Variants in TEX10 observed in about 807,000 individuals in gnomAD.
TEX10 encodes testis-expressed protein 10.
A neutral mutation model predicts 104.4 loss-of-function variants in TEX10; 24 were observed. The ratio of observed to expected loss-of-function variants is 0.23; its 90% CI spans 0.17 to 0.32. The LOEUF (loss-of-function observed/expected upper bound fraction) is 0.32, where lower values mean the gene tolerates loss of function less well. Ranked by LOEUF, TEX10 falls within the 10% of genes least tolerant of loss-of-function variation. The pLI is 1.00. For synonymous variants in TEX10, 396 were observed against 393.4 expected, an observed-to-expected ratio of 1.01 and a Z score of -0.08; for missense variants, 921 against 1,083.9, an observed-to-expected ratio of 0.85 and a Z score of 2.11.
chr9:100,352,490 G>T, intron 1 of TEX10: 3 of 1,551,174 alleles, frequency 1.9e-6, no homozygotes, highest in Non-Finnish European at 2.6e-6. Context: ...GGGGAAGTGG[G>T]GCCCGATTCA....
At chr9:100,331,735 CAG>C (rs1245790970) in intron 5 of TEX10, among the ~76,000 whole-genome samples, 1 of 152,286 alleles carries the variant, frequency 6.6e-6, no homozygotes, top group East Asian at 1.9e-4. Flanking sequence ...AAGCTTCTTT[CAG>C]AGACATGATT....
chr9:100,307,867 C>T (rs1834180297), intron 13 of TEX10: 2 of 152,066 alleles, frequency 1.3e-5, no homozygotes, highest in African/African-American at 4.8e-5. Flanking sequence ...CAAAAAGGCA[C>T]ATATCAAAAC....
Position 100,346,188 on chromosome 9 carries a change from C to CTAGTTG in TEX10, c.1015_1020dup (p.Gln339_Leu340dup). The CTAGTTG allele has an allele frequency of 6.2e-7, 1 of 1,613,986 alleles. No homozygotes were observed. The highest frequency in any genetic ancestry group is 8.5e-7 in the Non-Finnish European group (1 of 1,179,932). The stretch of plus-strand genomic sequence containing the variant: ...TCTATACCATTCCCAACAGGAGTAG[C>CTAGTTG]TAGTTGTGGAGGTACAGCTTCAACC... On this transcript the variant is annotated inframe_insertion, in exon 4 of 15. Coordinates refer to ENST00000374902, the MANE Select transcript of TEX10 (RefSeq NM_017746.4).
At position 100,312,144 on chromosome 9, in the gene TEX10, T is replaced by C. The variant is rs116786414; in HGVS notation, c.2203-1765A>G. Among the ~76,000 whole-genome samples the C allele has an allele frequency of 3.5e-3, 538 of 152,350 alleles. 1 individual carries two copies. The highest frequency in any genetic ancestry group is 0.012 in the African/African-American group (510 of 41,586). On this transcript the variant is annotated intron_variant, in intron 11 of 14. Coordinates refer to ENST00000374902, the MANE Select transcript of TEX10 (RefSeq NM_017746.4). ...CTCCAAAACAAACATGGTGAATATT[T>C]TTATTAATCCAAACCACATTTGAAA...
intron 5 of TEX10, among the ~76,000 whole-genome samples, chr9:100,333,090 G>A (rs747422715): frequency 6.6e-6 from 1 of 151,802 alleles, no homozygotes; most frequent in Non-Finnish European, 1.5e-5. Flanking sequence ...TCGGCCTCCC[G>A]GGTAGCTGGG....
chr9:100,352,022 T>TGTG (rs1835465105), intron 1 of TEX10, among the ~76,000 whole-genome samples: 1 of 151,598 alleles, frequency 6.6e-6, no homozygotes, highest in East Asian at 1.9e-4. Context: ...GTAGGTCTTT[T>TGTG]CTAATTCCAA....
chr9:100,344,520 G>A (rs1002518962), intron 4 of TEX10, among the ~76,000 whole-genome samples: 3 of 147,472 alleles, frequency 2.0e-5, no homozygotes, highest in African/African-American at 7.6e-5. Context: ...CACCGAAGAA[G>A]CTTGGAATTT....
intron 9 of TEX10, among the ~76,000 whole-genome samples, chr9:100,322,904 C>T (rs1000103894): frequency 6.6e-6 from 1 of 152,174 alleles, no homozygotes; most frequent in African/African-American, 2.4e-5. Flanking sequence ...TTGTGAGCCA[C>T]TGCACCCAGC....
At chr9:100,313,397 C>T (rs1326052145) in intron 11 of TEX10, among the ~76,000 whole-genome samples, 2 of 151,666 alleles carry the variant, frequency 1.3e-5, no homozygotes, top group Non-Finnish European at 2.9e-5. Flanking sequence ...CGCCTGTAAT[C>T]CCAGCTACTC....
chr9:100,315,148 T>G (rs2118848196), intron 11 of TEX10, among the ~76,000 whole-genome samples: 1 of 152,300 alleles, frequency 6.6e-6, no homozygotes, highest in Non-Finnish European at 1.5e-5. Context: ...TTTTTAAAAT[T>G]TGTTGGGACT....
chr9:100,326,257 G>A (rs752226290), intron 9 of TEX10, 45 bp downstream of exon 9: 3 of 1,574,218 alleles, frequency 1.9e-6, no homozygotes, highest in Non-Finnish European at 2.6e-6. Context: ...AGTAAAAGGG[G>A]AAAAAGATTA....
chr9:100,318,642 C>T (rs1834484782), intron 11 of TEX10, among the ~76,000 whole-genome samples: 1 of 152,152 alleles, frequency 6.6e-6, no homozygotes, highest in South Asian at 2.1e-4. Context: ...AACTTAAAAA[C>T]TTAGAAATGA....
intron 11 of TEX10, among the ~76,000 whole-genome samples, chr9:100,314,585 CTTTT>C (rs1367099434): frequency 2.6e-5 from 4 of 152,012 alleles, no homozygotes; most frequent in South Asian, 2.1e-4. Context: ...CTTTTCATTT[CTTTT>C]TTTGTCTATT....
chr9:100,337,747 C>T (rs1399143359), intron 5 of TEX10, among the ~76,000 whole-genome samples: 2 of 152,186 alleles, frequency 1.3e-5, no homozygotes, highest in African/African-American at 4.8e-5. Flanking sequence ...TTTCCTAATC[C>T]TGTAGCTTTC....
At chr9:100,321,626 G>T in intron 10 of TEX10, 57 bp downstream of exon 10, 1 of 1,356,964 alleles carries the variant, frequency 7.4e-7, no homozygotes, top group Non-Finnish European at 1.0e-6. Context: ...CTTAGAAGGA[G>T]AATTGTGATT....
chr9:100,320,278 C>T lies in TEX10; in HGVS notation c.2189G>A (p.Trp730Ter). The T allele has an allele frequency of 6.2e-7, 1 of 1,610,070 alleles. No homozygotes were observed. The highest frequency in any genetic ancestry group is 8.5e-7 in the Non-Finnish European group (1 of 1,178,284). ...ATGAACTATTACCTCTGTTACATCC[C>T]AGTGGTGTAAAAATTGATCCAAATC... ...LTDLDQFLHH[W>*]DVTEAVFHSL... The change falls in exon 11 of 15, where the codon TGG becomes TAG. Residue 730 changes from tryptophan to a stop codon, truncating the protein, a stop_gained. Transcript: ENST00000374902. LOFTEE classifies it high-confidence loss of function.
Position 100,347,361 on chromosome 9 carries a change from T to G in TEX10, c.226A>C (p.Ser76Arg). The G allele has an allele frequency of 6.2e-7, 1 of 1,611,542 alleles. No individual in the cohort carries two copies. Among genetic ancestry groups the G allele is most frequent in the East Asian group, 2.2e-5 (1 of 44,864 alleles). ...MHHYNAGVKQ[S>R]ALLGLKDLLS... ...AGGTCTTTAAGTCCAAGAAGAGCAC[T>G]TTGTTTAACCCCAGCATTGTAGTGA... Residue 76 changes from serine (S) to arginine (R), a missense_variant, in exon 3 of 15, where the codon AGT becomes CGT. Ser to Arg is a moderately radical substitution (Grantham distance 110, BLOSUM62 -1). This residue lies in a region of TEX10 where 118 missense variants were observed against 111.3 expected (regional missense o/e 1.06). Transcript: ENST00000374902.
chr9:100,329,095 A>C (rs1366721910), intron 7 of TEX10, 45 bp downstream of exon 7: 3 of 1,542,102 alleles, frequency 1.9e-6, no homozygotes, highest in Non-Finnish European at 2.6e-6. Context: ...GACTACAGAA[A>C]AACTCAGCAA....
Position 100,349,192 on chromosome 9 carries a change from TAA to T in TEX10, c.170_171del (p.Leu57GlnfsTer17). On this transcript the variant is annotated frameshift_variant, in exon 2 of 15. Coordinates refer to ENST00000374902, the MANE Select transcript of TEX10 (RefSeq NM_017746.4). LOFTEE classifies it high-confidence loss of function. Reference sequence around the variant, plus strand: ...CATGATTTATGATTTACCTTTATGTTAAGTTTTCTATTGTTTGTTGGAAGTGT... The same window carrying T: ...CATGATTTATGATTTACCTTTATGTTGTTTTCTATTGTTTGTTGGAAGTGT... ...DGTLPTNNRK[L>X]NIKDLLSQMH... 6.5e-7 allele frequency: 1 copy of T among 1,540,088 alleles called. No homozygotes were observed. The highest frequency in any genetic ancestry group is 2.3e-5 in the East Asian group (1 of 43,138).
Sources: gnomAD v4.1 joint callset for allele counts (sites outside exome capture counted in the v4.1 genomes callset) on GRCh38, gnomAD v4.1.1 for gene constraint, gnomAD v4.1.1 regional missense constraint, MANE v1.5 for transcripts, NCBI Gene and HGNC (gene_info 2026-07-23, HGNC 2026-07-21) for gene names.